Variants in SP4 observed in about 807,000 individuals in gnomAD.
The protein encoded by SP4 is Sp4 transcription factor.
A neutral mutation model predicts 72.8 loss-of-function variants in SP4; 19 were observed. That is an observed-to-expected ratio of 0.26 (90% CI 0.18 to 0.38). The LOEUF is 0.38. Among genes scored for constraint, SP4 ranks in the 10% least tolerant of loss-of-function variants. The pLI, the probability that SP4 is intolerant of heterozygous loss-of-function variation, is 1.00. For synonymous variants in SP4, 395 were observed against 333.1 expected (o/e 1.19, Z -2.02); for missense variants, 1,008 against 926.3 (o/e 1.09, Z -1.14).
Position 21,430,822 on chromosome 7 carries a change from G to A in SP4, c.1657G>A (p.Val553Ile), listed in dbSNP as rs749172037. 52 of 1,611,876 alleles carry A rather than the reference G, an allele frequency of 3.2e-5. No individual in the cohort carries two copies. The highest frequency in any genetic ancestry group is 4.3e-5 in the Non-Finnish European group (51 of 1,178,508). Residue 553 changes from valine (V) to isoleucine (I), a missense_variant, in exon 3 of 6, where the codon GTT (valine) becomes ATT (isoleucine). Physicochemically the swap from Val to Ile is conservative, Grantham distance 29 (BLOSUM62 3). Transcript: ENST00000222584. ...AGGTGTTCAAGTGCAGGGAGTTCCC[G>A]TTACAATCACTAGTGTTGCAGGTAA... Reference protein sequence around the residue: ...AAGVQVQGVPVTITSVAGQQQ... With the variant: ...AAGVQVQGVPITITSVAGQQQ...
At chr7:21,493,386 G>T (rs531286793) in intron 5 of SP4, among the ~76,000 whole-genome samples, 1 of 152,132 alleles carries the variant, frequency 6.6e-6, no homozygotes, top group Non-Finnish European at 1.5e-5. Context: ...TGGGATGCAG[G>T]TAAAGCAGTG....
intron 3 of SP4, among the ~76,000 whole-genome samples, chr7:21,459,697 C>A (rs962912339): frequency 1.3e-5 from 2 of 152,190 alleles, no homozygotes; most frequent in Non-Finnish European, 2.9e-5. Context: ...TTTCTGCTCT[C>A]ATGGAAGATT....
chr7:21,440,505 C>A (rs144598470), intron 3 of SP4, among the ~76,000 whole-genome samples: 36 of 152,156 alleles, frequency 2.4e-4, no homozygotes, highest in Non-Finnish European at 3.8e-4. Flanking sequence ...TGGTAAAGTG[C>A]AAGCAAGGGT....
At chr7:21,442,107 C>T (rs1240178700) in intron 3 of SP4, among the ~76,000 whole-genome samples, 1 of 147,248 alleles carries the variant, frequency 6.8e-6, no homozygotes, top group Non-Finnish European at 1.5e-5. Context: ...GCCACAATCT[C>T]GGCTCGCTGC....
intron 3 of SP4, among the ~76,000 whole-genome samples, chr7:21,476,685 G>A (rs964042107): frequency 2.6e-5 from 4 of 152,108 alleles, no homozygotes; most frequent in South Asian, 2.1e-4. Flanking sequence ...GTTGCTTACC[G>A]TGGAAATGGT....
chr7:21,457,965 T>A (rs6972886), intron 3 of SP4, among the ~76,000 whole-genome samples: 3,269 of 152,280 alleles, frequency 0.021, 119 homozygotes, highest in African/African-American at 0.073. Flanking sequence ...ACATAGGTAT[T>A]GTAAATTCAT....
rs774934354 is a variant in SP4 at position 21,430,029 on chromosome 7, T to C, written c.864T>C (p.Ala288=). Residue 288 remains alanine (A), a synonymous_variant, in exon 3 of 6, where the codon GCT becomes GCC. Coordinates refer to ENST00000222584, the MANE Select transcript of SP4 (RefSeq NM_003112.5). Reference sequence around the variant, plus strand: ...CTGGGCAGGTTGGCCAGCCTGCTGCTACTGCTGATAGTGGGACTTCCAATG... The same window carrying C: ...CTGGGCAGGTTGGCCAGCCTGCTGCCACTGCTGATAGTGGGACTTCCAATG... ...GGTGQVGQPA[A]TADSGTSNGN... 1.7e-5 allele frequency: 27 copies of C among 1,614,076 alleles called. 1 individual carries two copies. Among genetic ancestry groups the C allele is most frequent in the South Asian group, 6.6e-5 (6 of 91,094 alleles).
At chr7:21,440,723 C>T (rs553619133) in intron 3 of SP4, among the ~76,000 whole-genome samples, 3 of 151,916 alleles carry the variant, frequency 2.0e-5, no homozygotes, top group Non-Finnish European at 2.9e-5. Flanking sequence ...GTGGTGCATG[C>T]CTGTAGTCCC....
chr7:21,511,205 C>G lies in SP4; in HGVS notation c.2291C>G (p.Ala764Gly). The G allele has an allele frequency of 3.1e-6, 5 of 1,614,016 alleles. No homozygotes were observed. The highest frequency in any genetic ancestry group is 4.2e-6 in the Non-Finnish European group (5 of 1,179,902). The change falls in exon 6 of 6, where the codon GCA becomes GGA. Residue 764 changes from alanine to glycine, a missense_variant. By Grantham distance (60) the Ala-to-Gly change is moderately conservative. This residue lies in a region of SP4 where 67 missense variants were observed against 66.1 expected (regional missense o/e 1.01). Coordinates refer to ENST00000222584, the MANE Select transcript of SP4 (RefSeq NM_003112.5). ...GGCTCCCCAAGAATTGTCACAGTTG[C>G]AGCCATTTCTCAAGATTCGAATCCA... is the stretch of plus-strand genomic sequence containing the variant. Reference protein sequence around the residue: ...VLGSPRIVTVAAISQDSNPAT... With the variant: ...VLGSPRIVTVGAISQDSNPAT...
At chr7:21,471,720 A>C (rs1260209259) in intron 3 of SP4, among the ~76,000 whole-genome samples, 1 of 151,964 alleles carries the variant, frequency 6.6e-6, no homozygotes, top group South Asian at 2.1e-4. Context: ...TGTAGTCCCA[A>C]CTACTCAGGA....
intron 3 of SP4, among the ~76,000 whole-genome samples, chr7:21,455,378 C>G (rs543180364): frequency 1.3e-5 from 2 of 152,246 alleles, no homozygotes; most frequent in South Asian, 2.1e-4. Flanking sequence ...AAGGATCAAA[C>G]TTTTCCCAGT....
intron 5 of SP4, among the ~76,000 whole-genome samples, chr7:21,493,199 G>GAAA (rs111403862): frequency 2.0e-4 from 30 of 146,514 alleles, no homozygotes; most frequent in East Asian, 1.4e-3. Context: ...GATTCCATGT[G>GAAA]AAAAAAAAAA....
chr7:21,456,551 G>A (rs6943345), intron 3 of SP4, among the ~76,000 whole-genome samples: 257 of 152,338 alleles, frequency 1.7e-3, no homozygotes, highest in African/African-American at 5.7e-3. Context: ...ATAACAGGGA[G>A]TGTGTGTTTA....
At position 21,428,761 on chromosome 7, in the gene SP4, A is replaced by G; in HGVS notation, c.92A>G (p.Asn31Ser). Residue 31 changes from asparagine to serine, a missense_variant, in exon 2 of 6, where the codon AAC (asparagine) becomes AGC (serine). Transcript: ENST00000222584. ...EGGKTSEPENNNKKPKTSGSQ... is the reference protein window; with the variant it reads ...EGGKTSEPENSNKKPKTSGSQ... ...GGGAAAACCTCTGAGCCAGAGAATA[A>G]CAATAAAAAACCCAAAACCTCAGGC... 1 of 1,551,634 alleles carries G rather than the reference A, an allele frequency of 6.4e-7. No individual in the cohort carries two copies. The highest frequency in any genetic ancestry group is 8.7e-7 in the Non-Finnish European group (1 of 1,147,216).
At chr7:21,475,608 C>T (rs1021886558) in intron 3 of SP4, among the ~76,000 whole-genome samples, 2 of 151,804 alleles carry the variant, frequency 1.3e-5, no homozygotes, top group African/African-American at 4.8e-5. Flanking sequence ...GGACTACAGG[C>T]GCCCGCCACC....
At chr7:21,478,497 G>A (rs1198374253) in intron 4 of SP4, among the ~76,000 whole-genome samples, 1 of 113,440 alleles carries the variant, frequency 8.8e-6, no homozygotes, top group Non-Finnish European at 2.1e-5. Flanking sequence ...AATAGGGTAT[G>A]AAGGTTCCAG....
chr7:21,436,974 C>G (rs2128392358), intron 3 of SP4, among the ~76,000 whole-genome samples: 1 of 152,206 alleles, frequency 6.6e-6, no homozygotes, highest in African/African-American at 2.4e-5. Flanking sequence ...CTCCAGTTGT[C>G]TTTCTACTGC....
chr7:21,471,013 G>A (rs1291686821), intron 3 of SP4: 2 of 533,538 alleles, frequency 3.7e-6, no homozygotes. Flanking sequence ...TCAGACCAAG[G>A]GAGATGGAGG....
intron 3 of SP4, among the ~76,000 whole-genome samples, chr7:21,460,528 G>T (rs1583406638): frequency 6.6e-6 from 1 of 152,200 alleles, no homozygotes; most frequent in African/African-American, 2.4e-5. Context: ...AAAGAACAAA[G>T]CTTCCACAGT....
Sources: allele counts gnomAD v4.1 joint callset (sites outside exome capture counted in the v4.1 genomes callset), GRCh38; gene constraint gnomAD v4.1.1; regional missense constraint gnomAD v4.1.1; transcripts MANE v1.5; gene names NCBI Gene and HGNC (gene_info 2026-07-23, HGNC 2026-07-21).